Variants in FBXO42 observed in about 807,000 individuals in gnomAD.
The protein encoded by FBXO42 is F-box protein 42.
In FBXO42, 12 loss-of-function variants were observed where a neutral mutation model predicts 71.7. The observed-to-expected ratio is 0.17, with a 90% CI of 0.11 to 0.27. The LOEUF is 0.27. Ranked by LOEUF, FBXO42 falls within the 10% of genes least tolerant of loss-of-function variation. The probability of loss-of-function intolerance (pLI) is 1.00; values close to 1 mark genes in which losing one functional copy is unlikely to be tolerated. For missense variants in FBXO42, 707 were observed against 911.9 expected (o/e 0.78, Z 2.89); for synonymous variants, 325 against 327.5 (o/e 0.99, Z 0.08).
At chr1:16,350,749 A>AGAAAGAAAGAAAGAAAG (rs148379808) in intron 1 of FBXO42, among the ~76,000 whole-genome samples, 1 of 48,112 alleles carries the variant, frequency 2.1e-5, no homozygotes, top group Admixed American at 3.0e-4. Flanking sequence ...ACTGCAAAAA[A>AGAAAGAAAGAAAGAAAG]AAAAAAAAAA....
At chr1:16,291,382 T>A (rs550808343) in intron 4 of FBXO42, among the ~76,000 whole-genome samples, 51 of 152,056 alleles carry the variant, frequency 3.4e-4, no homozygotes, top group East Asian at 9.6e-4. Flanking sequence ...TTTTTTTTTT[T>A]AATTTATTAT....
At chr1:16,347,937 C>T (rs1315496932) in intron 1 of FBXO42, among the ~76,000 whole-genome samples, 5 of 148,596 alleles carry the variant, frequency 3.4e-5, no homozygotes, top group Non-Finnish European at 7.4e-5. Flanking sequence ...TGCAGTGAGC[C>T]GAGATCGCGC....
chr1:16,343,351 G>A (rs1217546248), intron 1 of FBXO42, among the ~76,000 whole-genome samples: 3 of 151,864 alleles, frequency 2.0e-5, no homozygotes, highest in African/African-American at 2.4e-5. Context: ...CCAGACCAGC[G>A]TGGGCAACAT....
chr1:16,265,302 G>A (rs1030994783), intron 4 of FBXO42, among the ~76,000 whole-genome samples: 12 of 152,074 alleles, frequency 7.9e-5, no homozygotes, highest in Non-Finnish European at 1.5e-4. Flanking sequence ...TGTTGGTCAG[G>A]CTGGTCTCGA....
At chr1:16,293,859 T>C (rs1172685780) in intron 4 of FBXO42, 1 of 152,230 alleles carries the variant, frequency 6.6e-6, no homozygotes, top group Non-Finnish European at 1.5e-5. Context: ...AACTTATTTA[T>C]AGTTACATGG....
chr1:16,311,229 G>C lies in FBXO42; in HGVS notation c.250+3940C>G, dbSNP rs2082309180. 2.7e-5 allele frequency among the ~76,000 whole-genome samples: 4 copies of C among 149,294 alleles called. 1 individual carries two copies. In the South Asian group the frequency reaches 8.4e-4, roughly 31 times the overall value. The stretch of plus-strand genomic sequence containing the variant: ...CTGGCATGGTGGCTCATAATCCCAG[G>C]ACTTTAGCAGGCCCAGGTGGTAAGA... On this transcript the variant is annotated intron_variant, in intron 2 of 9. Coordinates refer to ENST00000375592, the MANE Select transcript of FBXO42 (RefSeq NM_018994.3).
chr1:16,301,163 T>C (rs2082189534), intron 3 of FBXO42, among the ~76,000 whole-genome samples: 1 of 151,974 alleles, frequency 6.6e-6, no homozygotes, highest in Admixed American at 6.6e-5. Flanking sequence ...CCTCCCAAAG[T>C]GTTGGGATTA....
At chr1:16,259,001 A>G (rs2081680620) in intron 4 of FBXO42, among the ~76,000 whole-genome samples, 1 of 152,084 alleles carries the variant, frequency 6.6e-6, no homozygotes, top group Non-Finnish European at 1.5e-5. Flanking sequence ...CAGCCTCCCA[A>G]AGTGCTGGGA....
At chr1:16,260,397 C>T (rs559416382) in intron 4 of FBXO42, among the ~76,000 whole-genome samples, 21 of 152,018 alleles carry the variant, frequency 1.4e-4, no homozygotes, top group East Asian at 5.8e-4. Flanking sequence ...TTAGTAGAGA[C>T]GGGGTTTCAC....
intron 4 of FBXO42, among the ~76,000 whole-genome samples, chr1:16,272,004 A>G (rs540369994): frequency 6.6e-6 from 1 of 150,770 alleles, no homozygotes; most frequent in South Asian, 2.1e-4. Context: ...AACAATACAA[A>G]AATAGCTGGG....
intron 1 of FBXO42, among the ~76,000 whole-genome samples, chr1:16,318,311 G>A (rs949128014): frequency 1.1e-4 from 16 of 152,032 alleles, no homozygotes; most frequent in Non-Finnish European, 2.1e-4. Context: ...CCAGCTACTC[G>A]GGAGGCTGAG....
intron 3 of FBXO42, among the ~76,000 whole-genome samples, chr1:16,300,240 C>T (rs1332765743): frequency 2.6e-5 from 4 of 152,160 alleles, no homozygotes; most frequent in East Asian, 1.9e-4. Context: ...ACAAATAATA[C>T]TGAGAGTGTC....
chr1:16,346,680 T>C (rs897177587), intron 1 of FBXO42, among the ~76,000 whole-genome samples: 1 of 136,492 alleles, frequency 7.3e-6, no homozygotes, highest in African/African-American at 2.8e-5. Flanking sequence ...AGAGCTAGAC[T>C]CCGTCTCGGG....
At chr1:16,342,327 C>T (rs1355652945) in intron 1 of FBXO42, among the ~76,000 whole-genome samples, 6 of 139,546 alleles carry the variant, frequency 4.3e-5, no homozygotes, top group Non-Finnish European at 9.1e-5. Context: ...ACCTGGGAGG[C>T]GGAGGTTGCG....
At chr1:16,289,241 A>AG (rs1209035465) in intron 4 of FBXO42, among the ~76,000 whole-genome samples, 1 of 151,844 alleles carries the variant, frequency 6.6e-6, no homozygotes. Context: ...CAAAAAAAAA[A>AG]GAAAGAAAAG....
intron 3 of FBXO42, among the ~76,000 whole-genome samples, chr1:16,304,472 C>A (rs1452436281): frequency 6.6e-6 from 1 of 151,826 alleles, no homozygotes; most frequent in Non-Finnish European, 1.5e-5. Flanking sequence ...TTGTAGGAGT[C>A]CATTTAAATT....
At chr1:16,263,343 G>A (rs1229025893) in intron 4 of FBXO42, among the ~76,000 whole-genome samples, 1 of 152,064 alleles carries the variant, frequency 6.6e-6, no homozygotes, top group Non-Finnish European at 1.5e-5. Context: ...AGCTACTCAG[G>A]AGGCTGAGGC....
At chr1:16,321,985 A>G (rs2100590025) in intron 1 of FBXO42, among the ~76,000 whole-genome samples, 1 of 151,772 alleles carries the variant, frequency 6.6e-6, no homozygotes, top group Non-Finnish European at 1.5e-5. Flanking sequence ...CCTAGCCAAC[A>G]TGGCGAAACC....
At chr1:16,282,195 T>C (rs1026740724) in intron 4 of FBXO42, among the ~76,000 whole-genome samples, 3 of 151,866 alleles carry the variant, frequency 2.0e-5, no homozygotes, top group African/African-American at 4.8e-5. Context: ...AATTTAGCTA[T>C]GTTTAGAATC....
Sources: allele counts gnomAD v4.1 joint callset (sites outside exome capture counted in the v4.1 genomes callset), GRCh38; gene constraint gnomAD v4.1.1; transcripts MANE v1.5; gene names NCBI Gene and HGNC (gene_info 2026-07-23, HGNC 2026-07-21).